Variants in CAMKMT observed in about 807,000 individuals in gnomAD.
The protein encoded by CAMKMT is CaM KMT.
In CAMKMT, 53 loss-of-function variants were observed where a neutral mutation model predicts 48.0. That is an observed-to-expected ratio of 1.10 (90% CI 0.89 to 1.39). The LOEUF is 1.39. Ranked by LOEUF, CAMKMT falls within the 40% of genes most tolerant of loss-of-function variation. The probability of loss-of-function intolerance (pLI) is 0.00; values close to 1 mark genes in which losing one functional copy is unlikely to be tolerated. For synonymous variants in CAMKMT, 165 were observed against 152.3 expected (o/e 1.08, Z -0.61); for missense variants, 428 against 402.7 (o/e 1.06, Z -0.54).
At chr2:44,416,460 C>G (rs1230397349) in intron 3 of CAMKMT, among the ~76,000 whole-genome samples, 2 of 151,896 alleles carry the variant, frequency 1.3e-5, no homozygotes, top group African/African-American at 4.8e-5. Context: ...CGGGTAAAAA[C>G]TGATCTACTC....
chr2:44,389,726 T>A (rs941902577), intron 2 of CAMKMT, among the ~76,000 whole-genome samples: 1 of 152,186 alleles, frequency 6.6e-6, no homozygotes, highest in Non-Finnish European at 1.5e-5. Context: ...GCATTAGAAT[T>A]AAGATTAGTG....
At chr2:44,362,264 C>A in intron 1 of CAMKMT, 119 bp downstream of exon 1, 1 of 861,614 alleles carries the variant, frequency 1.2e-6, no homozygotes, top group Non-Finnish European at 1.6e-6. Context: ...TCTCAGTTTG[C>A]CGGGAGCCAC....
At chr2:44,677,653 A>G (rs1159308484) in intron 3 of CAMKMT, among the ~76,000 whole-genome samples, 1 of 152,016 alleles carries the variant, frequency 6.6e-6, no homozygotes. Flanking sequence ...TGTTGCAGTG[A>G]GCCGAGATGG....
chr2:44,369,444 C>T (rs976410645), intron 1 of CAMKMT, among the ~76,000 whole-genome samples: 2 of 152,122 alleles, frequency 1.3e-5, no homozygotes, highest in African/African-American at 2.4e-5. Flanking sequence ...AGAAACCACT[C>T]TAGCTACTTT....
chr2:44,624,153 G>A (rs1672346557), intron 3 of CAMKMT, among the ~76,000 whole-genome samples: 1 of 152,102 alleles, frequency 6.6e-6, no homozygotes, highest in Admixed American at 6.6e-5. Flanking sequence ...GGAGAAAAAT[G>A]AATACTGTTG....
intron 3 of CAMKMT, among the ~76,000 whole-genome samples, chr2:44,665,127 G>A (rs1380131638): frequency 6.6e-6 from 1 of 152,198 alleles, no homozygotes; most frequent in East Asian, 1.9e-4. Flanking sequence ...CTGGAGTGCA[G>A]TGGTGCGATC....
intron 3 of CAMKMT, among the ~76,000 whole-genome samples, chr2:44,445,899 C>T (rs1431114071): frequency 6.6e-6 from 1 of 151,920 alleles, no homozygotes; most frequent in Non-Finnish European, 1.5e-5. Context: ...CCCCTTCTGC[C>T]AGGAACTCTT....
At chr2:44,408,957 GT>G (rs2104469017) in intron 3 of CAMKMT, among the ~76,000 whole-genome samples, 1 of 151,386 alleles carries the variant, frequency 6.6e-6, no homozygotes, top group Non-Finnish European at 1.5e-5. Context: ...GCCCAGGCTG[GT>G]CTTGAACTCC....
At chr2:44,668,737 C>A (rs1484849567) in intron 3 of CAMKMT, among the ~76,000 whole-genome samples, 3 of 152,088 alleles carry the variant, frequency 2.0e-5, no homozygotes, top group Non-Finnish European at 4.4e-5. Flanking sequence ...GCTTAAGTAA[C>A]CACTCTCTCA....
At chr2:44,647,555 A>C (rs1332606982) in intron 3 of CAMKMT, among the ~76,000 whole-genome samples, 1 of 152,122 alleles carries the variant, frequency 6.6e-6, no homozygotes, top group Non-Finnish European at 1.5e-5. Flanking sequence ...TTCTGTGGTA[A>C]CTGAAACTTG....
chr2:44,474,542 C>T (rs1163730269), intron 3 of CAMKMT, among the ~76,000 whole-genome samples: 1 of 151,842 alleles, frequency 6.6e-6, no homozygotes, highest in Admixed American at 6.6e-5. Context: ...GAGCGAAATG[C>T]TAATTTTTTT....
At chr2:44,420,726 A>T (rs1362134533) in intron 3 of CAMKMT, among the ~76,000 whole-genome samples, 2 of 152,002 alleles carry the variant, frequency 1.3e-5, no homozygotes, top group African/African-American at 4.8e-5. Context: ...TAATTTAATT[A>T]TATTTTTTAA....
intron 7 of CAMKMT, among the ~76,000 whole-genome samples, chr2:44,740,735 G>A (rs544937604): frequency 2.0e-5 from 3 of 152,292 alleles, no homozygotes; most frequent in East Asian, 1.9e-4. Flanking sequence ...TAACAAATAC[G>A]AGGAAGTAAG....
intron 10 of CAMKMT, among the ~76,000 whole-genome samples, chr2:44,767,235 T>C (rs559552632): frequency 9.2e-5 from 14 of 152,366 alleles, no homozygotes; most frequent in African/African-American, 3.4e-4. Flanking sequence ...CGTTTGCTAG[T>C]AGTACATGTC....
At chr2:44,759,999 G>A (rs1270683620) in intron 9 of CAMKMT, among the ~76,000 whole-genome samples, 2 of 152,182 alleles carry the variant, frequency 1.3e-5, no homozygotes, top group Non-Finnish European at 2.9e-5. Context: ...CATTTGTTGA[G>A]CAACTGCTAT....
intron 2 of CAMKMT, among the ~76,000 whole-genome samples, chr2:44,382,804 C>G (rs538964348): frequency 2.0e-5 from 3 of 152,052 alleles, no homozygotes; most frequent in Non-Finnish European, 2.9e-5. Flanking sequence ...ATTTAATTAC[C>G]CTGTCAAAGG....
chr2:44,608,790 G>A (rs1253297188), intron 3 of CAMKMT, among the ~76,000 whole-genome samples: 4 of 151,982 alleles, frequency 2.6e-5, no homozygotes, highest in Non-Finnish European at 2.9e-5. Flanking sequence ...AGTCATTTTT[G>A]AAGAAAACAG....
chr2:44,386,629 A>G (rs966012879), intron 2 of CAMKMT, among the ~76,000 whole-genome samples: 16 of 151,940 alleles, frequency 1.1e-4, no homozygotes, highest in African/African-American at 3.9e-4. Context: ...GTGCTCTTTC[A>G]GTCATTTTGA....
chr2:44,629,801 G>A (rs1238723235), intron 3 of CAMKMT, among the ~76,000 whole-genome samples: 8 of 152,038 alleles, frequency 5.3e-5, no homozygotes, highest in Admixed American at 2.6e-4. Context: ...AATCAATATC[G>A]TGAAAATGGC....
Sources: gnomAD v4.1 joint callset for allele counts (sites outside exome capture counted in the v4.1 genomes callset) on GRCh38, gnomAD v4.1.1 for gene constraint, MANE v1.5 for transcripts, NCBI Gene and HGNC (gene_info 2026-07-23, HGNC 2026-07-21) for gene names.